Variants in FBXO9 observed in about 807,000 individuals in gnomAD.
FBXO9 encodes F-box only protein 9.
FBXO9 carries 43 observed loss-of-function variants against 63.7 expected under a neutral mutation model. The ratio of observed to expected loss-of-function variants is 0.67; its 90% CI spans 0.53 to 0.87. The LOEUF (loss-of-function observed/expected upper bound fraction) is 0.87, where lower values mean the gene tolerates loss of function less well. FBXO9 is among the 40% of genes least tolerant of loss of function. The pLI is 0.00. For synonymous variants in FBXO9, 156 were observed against 171.7 expected (o/e 0.91, Z 0.72); for missense variants, 442 against 533.2 (o/e 0.83, Z 1.68).
intron 4 of FBXO9, 56 bp downstream of exon 4, chr6:53,076,599 A>G: frequency 7.9e-7 from 1 of 1,261,028 alleles, no homozygotes; most frequent in African/African-American, 1.6e-5. Flanking sequence ...TGACTCTGTT[A>G]TTAACCATAT....
At chr6:53,071,675 G>A (rs149175627) in intron 2 of FBXO9, among the ~76,000 whole-genome samples, 68 of 152,312 alleles carry the variant, frequency 4.5e-4, no homozygotes, top group Middle Eastern at 3.4e-3. Context: ...GGTGAATAAT[G>A]TGCATCGCTG....
chr6:53,088,596 CTT>C (rs542468280), intron 7 of FBXO9, among the ~76,000 whole-genome samples: 7 of 140,442 alleles, frequency 5.0e-5, no homozygotes, highest in Non-Finnish European at 4.7e-5. Flanking sequence ...AGTGGTTTGT[CTT>C]TTTTTTTTTT....
In FBXO9 at chr6:53,082,561, A is replaced by T. The variant is rs1769350446; in HGVS notation, c.596A>T (p.Asp199Val). 11 of 1,613,624 alleles carry T rather than the reference A, an allele frequency of 6.8e-6. No homozygotes were observed. Among genetic ancestry groups the T allele is most frequent in the Admixed American group, 6.7e-5 (4 of 59,980 alleles). ...CGATGGGTGGTGTCTAGTGACTTGG[A>T]CCTCAGATCATTGGAGCAGTTGTCG... ...IFRWVVSSDLDLRSLEQLSLV... is the reference protein window; with the variant it reads ...IFRWVVSSDLVLRSLEQLSLV... The change falls in exon 7 of 13, where the codon GAC becomes GTC. Residue 199 changes from aspartate (D) to valine (V), a missense_variant. This residue lies in a region of FBXO9 where 262 missense variants were observed against 362.1 expected (regional missense o/e 0.72). Coordinates refer to ENST00000323557, the MANE Select transcript of FBXO9 (RefSeq NM_033480.3).
At chr6:53,080,863 A>T in intron 5 of FBXO9, 105 bp from the exon 6 acceptor site, 1 of 1,216,436 alleles carries the variant, frequency 8.2e-7, no homozygotes, top group Non-Finnish European at 1.2e-6. Context: ...AATAAGCTTT[A>T]GGTGACTTTT....
intron 7 of FBXO9, among the ~76,000 whole-genome samples, chr6:53,083,305 CTT>C (rs989063780): frequency 6.6e-6 from 1 of 152,124 alleles, no homozygotes; most frequent in Non-Finnish European, 1.5e-5. Context: ...CTTGAAGACT[CTT>C]TTTCACAATT....
Position 53,097,926 on chromosome 6 carries a change from G to GTA in FBXO9, c.*144_*145dup, listed in dbSNP as rs57607929. On this transcript the variant is annotated 3_prime_UTR_variant, in exon 13 of 13. Transcript: ENST00000323557. ...TAAATGTGTGTGTGTGCGTGTGTGT[G>GTA]TATATATATATATATATATATATAT... 4.5e-3 allele frequency: 397 copies of GTA among 88,338 alleles called. 2 individuals carry two copies. The highest frequency in any genetic ancestry group is 5.2e-3 in the Non-Finnish European group (266 of 50,924). The allele number at this position is 88,338 out of a possible 1,614,324, so 5.5% of individuals were successfully genotyped here.
At chr6:53,079,890 C>T (rs1769248736) in intron 5 of FBXO9, among the ~76,000 whole-genome samples, 1 of 151,986 alleles carries the variant, frequency 6.6e-6, no homozygotes, top group African/African-American at 2.4e-5. Flanking sequence ...TATTAATAGC[C>T]TGTTTAAATT....
intron 12 of FBXO9, among the ~76,000 whole-genome samples, chr6:53,096,317 A>C (rs1419480793): frequency 6.6e-6 from 1 of 152,244 alleles, no homozygotes; most frequent in Admixed American, 6.5e-5. Flanking sequence ...AATTAAGGTT[A>C]GCTCTTGTTC....
Position 53,073,580 on chromosome 6 carries a change from T to G in FBXO9, c.190T>G (p.Ser64Ala). The part of the protein sequence containing the change: ...ENRPCRAARG[S>A]LQKTSADTKG... Reference sequence around the variant, plus strand: ...TCGACCTTGCAGAGCAGCAAGAGGCTCTCTCCAGAAAACATCGGCAGATAC... The same window carrying G: ...TCGACCTTGCAGAGCAGCAAGAGGCGCTCTCCAGAAAACATCGGCAGATAC... Residue 64 changes from serine to alanine, a missense_variant, in exon 3 of 13, where the codon TCT becomes GCT. By Grantham distance (99) the Ser-to-Ala change is moderately conservative (BLOSUM62 1). Coordinates refer to ENST00000323557, the MANE Select transcript of FBXO9 (RefSeq NM_033480.3). 1 of 1,610,810 alleles carries G rather than the reference T, an allele frequency of 6.2e-7. No homozygotes were observed. Among genetic ancestry groups the G allele is most frequent in the Non-Finnish European group, 8.5e-7 (1 of 1,178,316 alleles).
intron 5 of FBXO9, 24 bp downstream of exon 5, chr6:53,078,922 G>A (rs373047957): frequency 8.2e-4 from 1,270 of 1,539,966 alleles, no homozygotes; most frequent in Non-Finnish European, 1.1e-3. Context: ...TTGATAGATA[G>A]TAATGCATAG....
intron 12 of FBXO9, among the ~76,000 whole-genome samples, chr6:53,096,882 G>A (rs1763227861): frequency 6.6e-6 from 1 of 152,112 alleles, no homozygotes; most frequent in African/African-American, 2.4e-5. Flanking sequence ...CTCCAGCCTC[G>A]GTGATAGAGC....
chr6:53,088,731 C>T (rs551795060), intron 7 of FBXO9, among the ~76,000 whole-genome samples: 7 of 151,382 alleles, frequency 4.6e-5, no homozygotes, highest in Non-Finnish European at 7.4e-5. Flanking sequence ...CCCGAGTAGC[C>T]GAGATTACAG....
At position 53,098,526 on chromosome 6, in the gene FBXO9, A is replaced by C. The variant is rs933156556; in HGVS notation, c.*696A>C. On this transcript the variant is annotated 3_prime_UTR_variant, in exon 13 of 13. Transcript: ENST00000323557. ...GAGGCTGATGCAGGAGAATAGCTTA[A>C]GCCCAGGAATTTGAGTCTGGGAGTT... The C allele has an allele frequency of 1.6e-4, 24 of 152,168 alleles. No homozygotes were observed. Among genetic ancestry groups the C allele is most frequent in the African/African-American group, 5.3e-4 (22 of 41,426 alleles). 9.4% of individuals were successfully genotyped at this position (152,168 alleles called of 1,614,324 possible). A position where few individuals can be genotyped will look rare whatever the true frequency, so the allele number is the denominator to read the frequency against.
At chr6:53,084,429 A>C (rs917887244) in intron 7 of FBXO9, among the ~76,000 whole-genome samples, 2 of 152,190 alleles carry the variant, frequency 1.3e-5, no homozygotes, top group Non-Finnish European at 2.9e-5. Flanking sequence ...TTGATTATGA[A>C]ATTTCAATTA....
At chr6:53,092,693 T>C in intron 8 of FBXO9, 41 bp from the exon 9 acceptor site, 1 of 1,481,744 alleles carries the variant, frequency 6.7e-7, no homozygotes, top group Non-Finnish European at 9.3e-7. Context: ...TGGGAATATC[T>C]GAATATTATA....
At chr6:53,094,684 ATG>A (rs985834445) in intron 11 of FBXO9, 1 of 360,418 alleles carries the variant, frequency 2.8e-6, no homozygotes, top group Non-Finnish European at 5.5e-6. Context: ...CTAACATCAT[ATG>A]TCCAGACAGG....
Position 53,076,489 on chromosome 6 carries a change from C to T in FBXO9, c.253C>T (p.Arg85Ter), listed in dbSNP as rs758746221. ...TTTTTACTTTATATTTTTATAGGCT[C>T]GAGAACTCTTCCTAAAAGCAGTAGA... ...KQEQAKEEKA[R>*]ELFLKAVEEE... Residue 85 changes from arginine to a stop codon, truncating the protein, a stop_gained, in exon 4 of 13, where the codon CGA becomes TGA. Transcript: ENST00000323557. LOFTEE classifies it high-confidence loss of function. 2.6e-6 allele frequency: 4 copies of T among 1,540,306 alleles called. No homozygotes were observed. The highest frequency in any genetic ancestry group is 1.3e-5 in the South Asian group (1 of 77,092).
intron 12 of FBXO9, among the ~76,000 whole-genome samples, chr6:53,096,811 TG>T (rs1052870780): frequency 2.0e-5 from 3 of 151,966 alleles, no homozygotes; most frequent in Non-Finnish European, 2.9e-5. Flanking sequence ...GAGGTTGAGG[TG>T]GGAATATCAT....
chr6:53,098,263 G>T lies in FBXO9; in HGVS notation c.*433G>T, dbSNP rs945431953. On this transcript the variant is annotated 3_prime_UTR_variant, in exon 13 of 13. Coordinates refer to ENST00000323557, the MANE Select transcript of FBXO9 (RefSeq NM_033480.3). Reference sequence around the variant, plus strand: ...CCACTGGATAAGCATTTTATTTCCCGCATGGCATAATGTTTTTGCACTAAA... The same window carrying T: ...CCACTGGATAAGCATTTTATTTCCCTCATGGCATAATGTTTTTGCACTAAA... 3 of 249,132 alleles carry T rather than the reference G, an allele frequency of 1.2e-5. No individual in the cohort carries two copies. The highest frequency in any genetic ancestry group is 4.6e-5 in the African/African-American group (2 of 43,700). The allele number at this position is 249,132 out of a possible 1,614,324, so 15.4% of individuals were successfully genotyped here.
Sources: gnomAD v4.1 joint callset for allele counts (sites outside exome capture counted in the v4.1 genomes callset) on GRCh38, gnomAD v4.1.1 for gene constraint, gnomAD v4.1.1 regional missense constraint, MANE v1.5 for transcripts, NCBI Gene and HGNC (gene_info 2026-07-23, HGNC 2026-07-21) for gene names.